AGPS: variants seen among roughly 807,000 people sequenced by gnomAD.
AGPS encodes alkylglycerone phosphate synthase, also known as alkyldihydroxyacetonephosphate synthase, peroxisomal.
In AGPS, 26 loss-of-function variants were observed where a neutral mutation model predicts 90.7. That is an observed-to-expected ratio of 0.29 (90% confidence interval 0.21 to 0.40). The LOEUF is 0.40. AGPS is among the 10% of genes least tolerant of loss of function. AGPS has a pLI of 1.00. For missense variants in AGPS, 540 were observed against 816.1 expected, an observed-to-expected ratio of 0.66 and a Z score of 4.12; for synonymous variants, 294 against 285.3, an observed-to-expected ratio of 1.03 and a Z score of -0.31.
intron 10 of AGPS, among the ~76,000 whole-genome samples, chr2:177,478,502 G>A (rs1424082947): frequency 6.6e-6 from 1 of 151,852 alleles, no homozygotes; most frequent in East Asian, 1.9e-4. Flanking sequence ...GTGCTTAATG[G>A]TTTCCTGCAT....
At chr2:177,437,096 A>G (rs1313737823) in intron 5 of AGPS, 42 bp downstream of exon 5, 2 of 1,566,072 alleles carry the variant, frequency 1.3e-6, no homozygotes, top group Non-Finnish European at 1.8e-6. Context: ...AGTATTGCTA[A>G]ATTTTAGGTA....
chr2:177,495,123 G>GTA (rs1688376042), intron 12 of AGPS, among the ~76,000 whole-genome samples: 1 of 152,074 alleles, frequency 6.6e-6, no homozygotes, highest in Admixed American at 6.5e-5. Flanking sequence ...ATATCATTGT[G>GTA]TATATTGAAA....
intron 10 of AGPS, among the ~76,000 whole-genome samples, chr2:177,477,193 G>C (rs1056130952): frequency 5.9e-5 from 9 of 151,966 alleles, no homozygotes; most frequent in African/African-American, 1.7e-4. Context: ...CCCCCTCTGT[G>C]GGTCTCATGT....
In AGPS at chr2:177,538,293, T is replaced by C; in HGVS notation, c.*98T>C. 2 of 1,304,708 alleles carry C rather than the reference T, an allele frequency of 1.5e-6. No individual in the cohort carries two copies. The highest frequency in any genetic ancestry group is 2.2e-6 in the Non-Finnish European group (2 of 923,776). 80.8% of individuals were successfully genotyped at this position (1,304,708 alleles called of 1,614,324 possible). A position where few individuals can be genotyped will look rare whatever the true frequency, so the allele number is the denominator to read the frequency against. On this transcript the variant is annotated 3_prime_UTR_variant, in exon 20 of 20. Transcript: ENST00000264167. ...AATATATCATGGACTATATTTTGGA[T>C]ACATTTGTTTCTTTGGTTTAAAATA... is the stretch of plus-strand genomic sequence containing the variant.
intron 9 of AGPS, among the ~76,000 whole-genome samples, chr2:177,465,623 C>A (rs933422737): frequency 6.6e-6 from 1 of 152,226 alleles, no homozygotes; most frequent in African/African-American, 2.4e-5. Context: ...GCAGGACGGG[C>A]AGCTCCAGGC....
intron 8 of AGPS, among the ~76,000 whole-genome samples, chr2:177,446,167 T>G (rs1303357192): frequency 6.6e-6 from 1 of 152,068 alleles, no homozygotes; most frequent in African/African-American, 2.4e-5. Flanking sequence ...TTTTTTATTT[T>G]TTTTGAGACG....
At chr2:177,511,528 C>A (rs1252820008) in intron 16 of AGPS, among the ~76,000 whole-genome samples, 1 of 152,010 alleles carries the variant, frequency 6.6e-6, no homozygotes, top group Non-Finnish European at 1.5e-5. Flanking sequence ...GGAACCTCAA[C>A]ATTTAAGGTT....
intron 12 of AGPS, among the ~76,000 whole-genome samples, chr2:177,495,346 C>T (rs746023719): frequency 4.6e-5 from 7 of 152,196 alleles, no homozygotes; most frequent in Non-Finnish European, 8.8e-5. Flanking sequence ...CATGACTGTT[C>T]GTCAGAGTGG....
At chr2:177,410,335 A>G (rs549528965) in intron 1 of AGPS, among the ~76,000 whole-genome samples, 10 of 152,326 alleles carry the variant, frequency 6.6e-5, no homozygotes, top group Non-Finnish European at 1.5e-4. Context: ...CTGTACAGCC[A>G]GTAGTAATCT....
At chr2:177,505,119 C>T (rs1026581990) in intron 14 of AGPS, among the ~76,000 whole-genome samples, 1 of 152,006 alleles carries the variant, frequency 6.6e-6, no homozygotes, top group Non-Finnish European at 1.5e-5. Context: ...ACTATGTACT[C>T]ATCTTGTATT....
In AGPS at chr2:177,539,268, T is replaced by C. The variant is rs1026415952; in HGVS notation, c.*1073T>C. 5.3e-5 allele frequency: 8 copies of C among 152,068 alleles called. No homozygotes were observed. Among genetic ancestry groups the C allele is most frequent in the Non-Finnish European group, 1.2e-4 (8 of 67,944 alleles). The allele number at this position is 152,068 out of a possible 1,614,324, so 9.4% of individuals were successfully genotyped here. A position where few individuals can be genotyped will look rare whatever the true frequency, so the allele number is the denominator to read the frequency against. On this transcript the variant is annotated 3_prime_UTR_variant, in exon 20 of 20. Transcript: ENST00000264167. ...AGTTTTTAATAATGGTTTAATGCCT[T>C]TTTTGAATAACTGGTTTAACCTAAT... is the stretch of plus-strand genomic sequence containing the variant.
At chr2:177,500,111 G>A (rs763308045) in intron 14 of AGPS, among the ~76,000 whole-genome samples, 17 of 151,990 alleles carry the variant, frequency 1.1e-4, no homozygotes, top group East Asian at 1.9e-4. Context: ...TGTATAAAGC[G>A]TGCTACTAGT....
rs1559066340 is a variant in AGPS at position 177,482,048 on chromosome 2, C to G, written c.1106-11C>G. 1 of 1,592,094 alleles carries G rather than the reference C, an allele frequency of 6.3e-7. No homozygotes were observed. The highest frequency in any genetic ancestry group is 8.6e-7 in the Non-Finnish European group (1 of 1,165,982). ...GTGATGTACTGGATTATTCCCCCTT[C>G]TTTTTTTCAGGAACTCTTGGTGTAA... is the stretch of plus-strand genomic sequence containing the variant. On this transcript the variant is annotated splice_polypyrimidine_tract_variant and intron_variant, in intron 10 of 19. Coordinates refer to ENST00000264167, the MANE Select transcript of AGPS (RefSeq NM_003659.4).
chr2:177,490,504 A>G (rs936143002), intron 11 of AGPS, among the ~76,000 whole-genome samples: 1 of 152,168 alleles, frequency 6.6e-6, no homozygotes, highest in Non-Finnish European at 1.5e-5. Flanking sequence ...TCTTTAGCTT[A>G]TTAGTTCTGT....
Position 177,459,759 on chromosome 2 carries a change from A to G in AGPS, c.871-2134A>G, listed in dbSNP as rs549626738. Among the ~76,000 whole-genome samples the G allele has an allele frequency of 7.4e-4, 112 of 152,314 alleles. No individual in the cohort carries two copies. The Middle Eastern group carries it at 0.01, about 14-fold the overall frequency. On this transcript the variant is annotated intron_variant, in intron 8 of 19. Transcript: ENST00000264167. The stretch of plus-strand genomic sequence containing the variant: ...AACCATTGTGGAAGACAGTGTGGCA[A>G]TTTCTCAAGGATCTAGAACTAGAAA...
chr2:177,516,066 A>G (rs1157216758), intron 17 of AGPS, among the ~76,000 whole-genome samples: 1 of 152,166 alleles, frequency 6.6e-6, no homozygotes, highest in Non-Finnish European at 1.5e-5. Context: ...CCTCAGCATC[A>G]CGCAATATTC....
chr2:177,406,022 C>T (rs1485239821), intron 1 of AGPS, among the ~76,000 whole-genome samples: 1 of 152,090 alleles, frequency 6.6e-6, no homozygotes, highest in Admixed American at 6.5e-5. Flanking sequence ...ATTTAGATGC[C>T]CAAGTCCAAC....
intron 9 of AGPS, among the ~76,000 whole-genome samples, chr2:177,467,598 T>C (rs930331437): frequency 6.6e-6 from 1 of 152,126 alleles, no homozygotes; most frequent in African/African-American, 2.4e-5. Context: ...TTATTTATGT[T>C]TTTGTATTTT....
At chr2:177,399,182 G>A (rs778814283) in intron 1 of AGPS, among the ~76,000 whole-genome samples, 1 of 152,206 alleles carries the variant, frequency 6.6e-6, no homozygotes, top group Non-Finnish European at 1.5e-5. Flanking sequence ...GTAGTCAGAT[G>A]AGATACTTTA....
Sources: allele counts gnomAD v4.1 joint callset (sites outside exome capture counted in the v4.1 genomes callset), GRCh38; gene constraint gnomAD v4.1.1; transcripts MANE v1.5; gene names NCBI Gene and HGNC (gene_info 2026-07-23, HGNC 2026-07-21).